Variants in SVIL observed in about 807,000 individuals in gnomAD.
The protein encoded by SVIL is archvillin.
SVIL carries 101 observed loss-of-function variants against 240.4 expected under a neutral mutation model. That is an observed-to-expected ratio of 0.42 (90% CI 0.36 to 0.50). The LOEUF (loss-of-function observed/expected upper bound fraction) is 0.50, where lower values mean the gene tolerates loss of function less well. Ranked by LOEUF, SVIL falls within the 20% of genes least tolerant of loss-of-function variation. The pLI is 0.01. For missense variants in SVIL, 2,512 were observed against 2,818.7 expected, an observed-to-expected ratio of 0.89 and a Z score of 2.46; for synonymous variants, 999 against 1,100.0, an observed-to-expected ratio of 0.91 and a Z score of 1.82.
At chr10:29,576,348 G>A (rs1175312977) in intron 1 of SVIL, among the ~76,000 whole-genome samples, 2 of 152,008 alleles carry the variant, frequency 1.3e-5, no homozygotes, top group Non-Finnish European at 2.9e-5. Context: ...CAAGGCTTGT[G>A]ATTATTGGTA....
At chr10:29,505,324 T>A (rs1438204273) in intron 17 of SVIL, among the ~76,000 whole-genome samples, 1 of 151,456 alleles carries the variant, frequency 6.6e-6, no homozygotes, top group Non-Finnish European at 1.5e-5. Context: ...AAACTCCATC[T>A]CAAAAATAAT....
At chr10:29,732,945 C>G (rs1290603117) in intron 1 of SVIL, among the ~76,000 whole-genome samples, 2 of 151,966 alleles carry the variant, frequency 1.3e-5, no homozygotes, top group African/African-American at 2.4e-5. Flanking sequence ...AAAGGCCCAC[C>G]ACAAAATTAC....
intron 2 of SVIL, among the ~76,000 whole-genome samples, chr10:29,667,356 G>C (rs1403815507): frequency 6.6e-6 from 1 of 152,158 alleles, no homozygotes; most frequent in Non-Finnish European, 1.5e-5. Context: ...AGAGAAGCCA[G>C]ACTCAAAAGA....
chr10:29,519,072 G>C (rs1355892409), intron 16 of SVIL, among the ~76,000 whole-genome samples: 1 of 151,992 alleles, frequency 6.6e-6, no homozygotes, highest in Non-Finnish European at 1.5e-5. Context: ...GCAAATTCCA[G>C]ACTCTATTTC....
At chr10:29,673,223 A>G (rs750709084) in intron 2 of SVIL, among the ~76,000 whole-genome samples, 5 of 152,198 alleles carry the variant, frequency 3.3e-5, no homozygotes, top group Non-Finnish European at 7.3e-5. Context: ...CTTAGCAAAG[A>G]TTTCTTTAGA....
intron 17 of SVIL, among the ~76,000 whole-genome samples, chr10:29,509,995 C>T (rs770531598): frequency 6.6e-6 from 1 of 152,146 alleles, no homozygotes; most frequent in Non-Finnish European, 1.5e-5. Flanking sequence ...CTCAACTTCC[C>T]GAGCTCAAGC....
chr10:29,672,476 A>C (rs575210149), intron 2 of SVIL, among the ~76,000 whole-genome samples: 28 of 152,312 alleles, frequency 1.8e-4, no homozygotes, highest in African/African-American at 6.3e-4. Flanking sequence ...CCTGTCTCTA[A>C]AAAAAGAAAA....
chr10:29,504,405 C>T (rs1589018805), intron 17 of SVIL, among the ~76,000 whole-genome samples: 2 of 152,058 alleles, frequency 1.3e-5, no homozygotes, highest in Non-Finnish European at 2.9e-5. Context: ...AGAAGACAAT[C>T]TACAGAATGG....
chr10:29,699,423 CTCCTGAGT>C (rs1280593178), intron 1 of SVIL, among the ~76,000 whole-genome samples: 1 of 152,180 alleles, frequency 6.6e-6, no homozygotes, highest in East Asian at 1.9e-4. Context: ...TCACCTCAGC[CTCCTGAGT>C]AGCTGGGATT....
intron 1 of SVIL, among the ~76,000 whole-genome samples, chr10:29,572,099 C>G (rs1955451368): frequency 1.3e-5 from 2 of 152,094 alleles, no homozygotes; most frequent in Non-Finnish European, 2.9e-5. Flanking sequence ...AGTTAGTATC[C>G]TGTGTTCAAA....
intron 1 of SVIL, among the ~76,000 whole-genome samples, chr10:29,615,419 G>A (rs1392241528): frequency 1.3e-5 from 2 of 152,174 alleles, no homozygotes; most frequent in African/African-American, 4.8e-5. Flanking sequence ...TGACAGATTT[G>A]ATTTCAATTT....
At chr10:29,531,191 T>C (rs1033745360) in intron 10 of SVIL, 63 bp downstream of exon 10, 24 of 1,547,526 alleles carry the variant, frequency 1.6e-5, no homozygotes, top group Non-Finnish European at 2.0e-5. Context: ...GCCAAAAACC[T>C]TATTATTAAA....
At position 29,458,141 on chromosome 10, in the gene SVIL, T is replaced by C. The variant is rs1943766710; in HGVS notation, c.*106A>G. On this transcript the variant is annotated 3_prime_UTR_variant, in exon 38 of 38. Coordinates refer to ENST00000355867, the MANE Select transcript of SVIL (RefSeq NM_021738.3). ...CAATGTCAGGTTCTGAAAACTCTGATTGAAAAATACTTTGTGAAAAACACC... is the reference window on the plus strand; with the variant it reads ...CAATGTCAGGTTCTGAAAACTCTGACTGAAAAATACTTTGTGAAAAACACC... 3 of 1,121,736 alleles carry C rather than the reference T, an allele frequency of 2.7e-6. No homozygotes were observed. Among genetic ancestry groups the C allele is most frequent in the Admixed American group, 2.4e-5 (1 of 42,148 alleles). The allele number at this position is 1,121,736 out of a possible 1,614,324, so 69.5% of individuals were successfully genotyped here.
intron 1 of SVIL, among the ~76,000 whole-genome samples, chr10:29,709,021 G>A (rs545914763): frequency 1.3e-3 from 196 of 151,224 alleles, no homozygotes; most frequent in African/African-American, 4.7e-3. Flanking sequence ...ACAAAAAATT[G>A]AAGAAAAGAT....
intron 1 of SVIL, among the ~76,000 whole-genome samples, chr10:29,595,793 G>A (rs998798217): frequency 2.6e-5 from 4 of 152,122 alleles, no homozygotes; most frequent in Non-Finnish European, 4.4e-5. Context: ...TGCCCTCTCC[G>A]TAGGACCCAG....
upstream of SVIL, among the ~76,000 whole-genome samples, chr10:29,639,555 A>C (rs1589437373): frequency 7.7e-6 from 1 of 130,476 alleles, no homozygotes. Context: ...TGCAACCTTC[A>C]CCTCCCAAGT....
At chr10:29,687,969 T>C (rs748872715) in intron 1 of SVIL, among the ~76,000 whole-genome samples, 1 of 152,184 alleles carries the variant, frequency 6.6e-6, no homozygotes, top group Non-Finnish European at 1.5e-5. Context: ...CCGCCCTAGT[T>C]CTGGGGTAAG....
rs1945074476 is a variant in SVIL, at chr10:29,467,632, G to A, written c.5977+110C>T. On this transcript the variant is annotated intron_variant, in intron 33 of 37. Transcript: ENST00000355867. Reference sequence around the variant, plus strand: ...CACTTGAGCCCAGGAGGTTGAAGCTGCAGTGAGCTGTGATCATACCACTAT... The same window carrying A: ...CACTTGAGCCCAGGAGGTTGAAGCTACAGTGAGCTGTGATCATACCACTAT... 9 of 1,404,050 alleles carry A rather than the reference G, an allele frequency of 6.4e-6. No homozygotes were observed. The South Asian group carries it at 1.2e-4, about 19-fold the overall frequency. 87.0% of individuals were successfully genotyped at this position (1,404,050 alleles called of 1,614,324 possible). A position where few individuals can be genotyped will look rare whatever the true frequency, so the allele number is the denominator to read the frequency against.
chr10:29,655,320 C>T (rs1958963754), intron 3 of SVIL, among the ~76,000 whole-genome samples: 1 of 151,966 alleles, frequency 6.6e-6, no homozygotes, highest in Non-Finnish European at 1.5e-5. Flanking sequence ...AGGCCCTAGA[C>T]CCCCCGGCAA....
Sources: gnomAD v4.1 joint callset for allele counts (sites outside exome capture counted in the v4.1 genomes callset) on GRCh38, gnomAD v4.1.1 for gene constraint, MANE v1.5 for transcripts, NCBI Gene and HGNC (gene_info 2026-07-23, HGNC 2026-07-21) for gene names.